The following AMPH variants were observed in gnomAD, a reference collection of about 807,000 sequenced individuals.
AMPH encodes the protein amphiphysin, also known as amphiphysin (Stiff-Mann syndrome with breast cancer 128kD autoantigen).
Under a neutral mutation model 99.1 loss-of-function variants are expected in AMPH, and 49 were observed. The observed-to-expected ratio is 0.49, with a 90% CI of 0.39 to 0.63. The LOEUF is 0.63. AMPH is among the 20% of genes least tolerant of loss of function. The probability of loss-of-function intolerance (pLI) is 0.00; values close to 1 mark genes in which losing one functional copy is unlikely to be tolerated. For synonymous variants in AMPH, 314 were observed against 317.3 expected, an observed-to-expected ratio of 0.99 and a Z score of 0.11; for missense variants, 759 against 863.4, an observed-to-expected ratio of 0.88 and a Z score of 1.52.
At chr7:38,500,892 G>A (rs1297757087) in intron 3 of AMPH, among the ~76,000 whole-genome samples, 1 of 152,148 alleles carries the variant, frequency 6.6e-6, no homozygotes, top group Non-Finnish European at 1.5e-5. Context: ...TTGATAATAT[G>A]GCTATGTTGG....
intron 1 of AMPH, among the ~76,000 whole-genome samples, chr7:38,549,338 G>T (rs560131686): frequency 6.6e-6 from 1 of 152,210 alleles, no homozygotes; most frequent in Non-Finnish European, 1.5e-5. Context: ...TAAGAGACAA[G>T]GTACATAAGA....
At chr7:38,392,150 A>T in intron 18 of AMPH, 133 bp from the exon 19 acceptor site, 6 of 847,312 alleles carry the variant, frequency 7.1e-6, no homozygotes, top group Non-Finnish European at 1.1e-5. Context: ...AGCCAGACTC[A>T]GGTCTGGGCC....
chr7:38,622,312 A>G (rs1053271580), intron 1 of AMPH, among the ~76,000 whole-genome samples: 3 of 152,134 alleles, frequency 2.0e-5, no homozygotes, highest in Non-Finnish European at 4.4e-5. Context: ...AATATCAGAA[A>G]AATGCATCAT....
chr7:38,491,981 A>G (rs1788737611), intron 4 of AMPH, among the ~76,000 whole-genome samples: 1 of 152,190 alleles, frequency 6.6e-6, no homozygotes, highest in Non-Finnish European at 1.5e-5. Context: ...TGAGTTGGCA[A>G]TGTAAAGTGC....
At chr7:38,623,941 T>C (rs142559501) in intron 1 of AMPH, among the ~76,000 whole-genome samples, 293 of 152,340 alleles carry the variant, frequency 1.9e-3, no homozygotes, top group African/African-American at 6.9e-3. Flanking sequence ...CTCACAAATA[T>C]GACAATTCCA....
intron 2 of AMPH, among the ~76,000 whole-genome samples, chr7:38,513,165 A>G (rs1789605472): frequency 6.6e-6 from 1 of 152,242 alleles, no homozygotes; most frequent in African/African-American, 2.4e-5. Context: ...TGTAATCAAA[A>G]CACATATTTC....
At chr7:38,582,986 G>A (rs917942539) in intron 1 of AMPH, among the ~76,000 whole-genome samples, 2 of 152,126 alleles carry the variant, frequency 1.3e-5, no homozygotes, top group Non-Finnish European at 2.9e-5. Context: ...GTTTAGAATG[G>A]TTCACCACAC....
intron 1 of AMPH, among the ~76,000 whole-genome samples, chr7:38,597,994 C>G (rs1347204550): frequency 1.3e-5 from 2 of 152,152 alleles, no homozygotes; most frequent in Non-Finnish European, 2.9e-5. Context: ...TAGCTATGAA[C>G]TTATTTTTGT....
rs540938752 is a variant in AMPH, at chr7:38,595,840, A to C, written c.69+35443T>G. Among the ~76,000 whole-genome samples the C allele has an allele frequency of 7.9e-5, 12 of 152,316 alleles. No individual in the cohort carries two copies. The East Asian group carries it at 1.9e-3, about 24-fold the overall frequency. ...GTATTTGGTTTTCTGTTCCTGCATT[A>C]ATCCCTTTAGGGTATTGGCCTCCAG... On this transcript the variant is annotated intron_variant, in intron 1 of 20. Coordinates refer to ENST00000356264, the MANE Select transcript of AMPH (RefSeq NM_001635.4).
chr7:38,517,810 C>T (rs930442961), intron 2 of AMPH, among the ~76,000 whole-genome samples: 1 of 152,156 alleles, frequency 6.6e-6, no homozygotes, highest in African/African-American at 2.4e-5. Context: ...AGAGACAATG[C>T]TAAGGGTATA....
chr7:38,524,484 T>A (rs1790088632), intron 2 of AMPH, among the ~76,000 whole-genome samples: 1 of 152,184 alleles, frequency 6.6e-6, no homozygotes, highest in Non-Finnish European at 1.5e-5. Flanking sequence ...AATTTGGGGA[T>A]CTGCAAATTA....
chr7:38,427,770 C>T lies in AMPH; in HGVS notation c.1183-784G>A, dbSNP rs1785839463. 7.5e-5 allele frequency: 29 copies of T among 385,874 alleles called. 2 individuals carry two copies. The highest frequency in any genetic ancestry group is 8.4e-4 in the Middle Eastern group (1 of 1,196). 23.9% of individuals were successfully genotyped at this position (385,874 alleles called of 1,614,324 possible). A position where few individuals can be genotyped will look rare whatever the true frequency, so the allele number is the denominator to read the frequency against. On this transcript the variant is annotated intron_variant, in intron 14 of 20. Transcript: ENST00000356264. ...TAGTGATGGATAATGAAGTAGGTGA[C>T]AGACATGAGGAAAAACAGAGCCTAC...
chr7:38,472,746 T>C (rs1389703116), intron 7 of AMPH, among the ~76,000 whole-genome samples: 1 of 152,196 alleles, frequency 6.6e-6, no homozygotes, highest in African/African-American at 2.4e-5. Context: ...ACTGATGTTA[T>C]TTCCTAAGTG....
At chr7:38,432,351 G>A (rs1786064388) in intron 12 of AMPH, 139 bp from the exon 13 acceptor site, 5 of 700,720 alleles carry the variant, frequency 7.1e-6, no homozygotes, top group Non-Finnish European at 9.8e-6. Flanking sequence ...TTTTTTTGGT[G>A]AAGGAAATGA....
chr7:38,617,220 CTCTACAGGGCATCA>C (rs1445627619), intron 1 of AMPH, among the ~76,000 whole-genome samples: 5 of 152,324 alleles, frequency 3.3e-5, no homozygotes, highest in African/African-American at 1.2e-4. Context: ...TACACCCAAA[CTCTACAGGGCATCA>C]TCTAATGTAC....
intron 2 of AMPH, among the ~76,000 whole-genome samples, chr7:38,508,592 G>A (rs1405597797): frequency 6.6e-6 from 1 of 152,176 alleles, no homozygotes; most frequent in African/African-American, 2.4e-5. Context: ...ACATCTGCAT[G>A]AAAGGTGGAT....
chr7:38,417,426 A>T (rs922579590), intron 17 of AMPH, among the ~76,000 whole-genome samples: 4 of 152,236 alleles, frequency 2.6e-5, no homozygotes, highest in African/African-American at 9.6e-5. Flanking sequence ...CCAACCTATG[A>T]AACTAATATT....
At chr7:38,618,664 T>G (rs749159866) in intron 1 of AMPH, among the ~76,000 whole-genome samples, 3 of 152,176 alleles carry the variant, frequency 2.0e-5, no homozygotes, top group Non-Finnish European at 2.9e-5. Context: ...GAAATTGAGA[T>G]AGTATTAATC....
At chr7:38,567,622 C>G (rs1248104323) in intron 1 of AMPH, among the ~76,000 whole-genome samples, 2 of 152,220 alleles carry the variant, frequency 1.3e-5, no homozygotes, top group Non-Finnish European at 2.9e-5. Flanking sequence ...AAATCATATT[C>G]TGTAAGAGTA....
Sources: gnomAD v4.1 joint callset for allele counts (sites outside exome capture counted in the v4.1 genomes callset) on GRCh38, gnomAD v4.1.1 for gene constraint, MANE v1.5 for transcripts, NCBI Gene and HGNC (gene_info 2026-07-23, HGNC 2026-07-21) for gene names.